TMEM132D: variants seen among roughly 807,000 people sequenced by gnomAD.
TMEM132D encodes the protein mature OL transmembrane protein.
Under a neutral mutation model 62.3 loss-of-function variants are expected in TMEM132D, and 21 were observed. The ratio of observed to expected loss-of-function variants is 0.34; its 90% CI spans 0.24 to 0.49. The LOEUF (loss-of-function observed/expected upper bound fraction) is 0.49, where lower values mean the gene tolerates loss of function less well. TMEM132D is among the 20% of genes least tolerant of loss of function. TMEM132D has a pLI of 0.99. For missense variants in TMEM132D, 1,346 were observed against 1,402.8 expected (o/e 0.96, Z 0.65); for synonymous variants, 621 against 575.6 (o/e 1.08, Z -1.13).
intron 4 of TMEM132D, among the ~76,000 whole-genome samples, chr12:129,251,561 G>T (rs77561884): frequency 6.6e-6 from 1 of 152,132 alleles, no homozygotes; most frequent in African/African-American, 2.4e-5. Context: ...TTTAAAGCTC[G>T]TTCAAATTTG....
rs183406470 is a variant in TMEM132D, at chr12:129,231,410, G to A, written c.1300-21747C>T. On this transcript the variant is annotated intron_variant, in intron 4 of 8. Coordinates refer to ENST00000422113, the MANE Select transcript of TMEM132D (RefSeq NM_133448.3). Reference sequence around the variant, plus strand: ...TATCTCCAGGGCTTTACATTTCCTGGCTGGAATTGGCAAATCTTGTCCCAT... The same window carrying A: ...TATCTCCAGGGCTTTACATTTCCTGACTGGAATTGGCAAATCTTGTCCCAT... Among the ~76,000 whole-genome samples the A allele has an allele frequency of 8.3e-4, 126 of 152,264 alleles. No homozygotes were observed. In the Middle Eastern group the frequency reaches 0.014, roughly 16 times the overall value.
At chr12:129,475,105 G>T (rs1874218964) in intron 3 of TMEM132D, among the ~76,000 whole-genome samples, 1 of 152,134 alleles carries the variant, frequency 6.6e-6, no homozygotes. Flanking sequence ...ACTATAAACT[G>T]GGCAATTGCT....
chr12:129,171,846 C>T (rs1443080363), intron 5 of TMEM132D, among the ~76,000 whole-genome samples: 1 of 152,180 alleles, frequency 6.6e-6, no homozygotes, highest in African/African-American at 2.4e-5. Flanking sequence ...TTACAGAGCA[C>T]AGGCAGAGTA....
chr12:129,119,105 G>C (rs949929610), intron 5 of TMEM132D, among the ~76,000 whole-genome samples: 3 of 152,226 alleles, frequency 2.0e-5, no homozygotes, highest in African/African-American at 7.2e-5. Flanking sequence ...CCATGACTAA[G>C]AGAATGCTGC....
chr12:129,289,976 C>T (rs981887758), intron 4 of TMEM132D, among the ~76,000 whole-genome samples: 33 of 152,164 alleles, frequency 2.2e-4, no homozygotes, highest in Non-Finnish European at 3.5e-4. Flanking sequence ...ATCACGCATG[C>T]CAGAAAAGGG....
intron 5 of TMEM132D, among the ~76,000 whole-genome samples, chr12:129,145,636 TC>T (rs1046726029): frequency 1.3e-5 from 2 of 152,116 alleles, no homozygotes; most frequent in African/African-American, 4.8e-5. Context: ...CATCTGGATG[TC>T]CCCAAGGCAC....
At chr12:129,603,917 C>A (rs180801744) in intron 2 of TMEM132D, among the ~76,000 whole-genome samples, 210 of 152,286 alleles carry the variant, frequency 1.4e-3, no homozygotes, top group African/African-American at 4.7e-3. Context: ...TTGGAACCAA[C>A]CCAAATGCCC....
At chr12:129,778,638 G>A (rs964580779) in intron 1 of TMEM132D, among the ~76,000 whole-genome samples, 8 of 152,170 alleles carry the variant, frequency 5.3e-5, no homozygotes, top group Admixed American at 1.3e-4. Context: ...ATACTTTGAC[G>A]CTAAAAACAT....
At chr12:129,238,643 A>G (rs1410353962) in intron 4 of TMEM132D, among the ~76,000 whole-genome samples, 1 of 152,204 alleles carries the variant, frequency 6.6e-6, no homozygotes, top group Admixed American at 6.5e-5. Flanking sequence ...CTTATATTGT[A>G]GCATATGTCC....
At chr12:129,160,440 T>A (rs1326617936) in intron 5 of TMEM132D, among the ~76,000 whole-genome samples, 1 of 152,220 alleles carries the variant, frequency 6.6e-6, no homozygotes, top group African/African-American at 2.4e-5. Context: ...TTTGCATTAG[T>A]AGGTGAAACA....
At chr12:129,378,940 G>A (rs544213210) in intron 3 of TMEM132D, among the ~76,000 whole-genome samples, 15 of 152,234 alleles carry the variant, frequency 9.9e-5, no homozygotes, top group Non-Finnish European at 1.5e-4. Context: ...ATGTGCCTGC[G>A]GATTTTGTCA....
At chr12:129,205,822 C>T (rs1189615552) in intron 5 of TMEM132D, among the ~76,000 whole-genome samples, 1 of 152,156 alleles carries the variant, frequency 6.6e-6, no homozygotes, top group Non-Finnish European at 1.5e-5. Context: ...CAACCATACT[C>T]TCAGACCACA....
chr12:129,598,983 G>A (rs574490786), intron 2 of TMEM132D, among the ~76,000 whole-genome samples: 1 of 152,274 alleles, frequency 6.6e-6, no homozygotes, highest in South Asian at 2.1e-4. Flanking sequence ...ACCAATCACA[G>A]AAAATGCTTA....
chr12:129,386,425 T>G (rs901542314), intron 3 of TMEM132D, among the ~76,000 whole-genome samples: 1 of 152,082 alleles, frequency 6.6e-6, no homozygotes, highest in Non-Finnish European at 1.5e-5. Context: ...AAATACTATA[T>G]GCCAACACCA....
intron 3 of TMEM132D, among the ~76,000 whole-genome samples, chr12:129,357,679 AAGAG>A (rs140748378): frequency 0.14 from 21,872 of 151,548 alleles, 1,758 homozygotes; most frequent in Non-Finnish European, 0.18. Context: ...GAGAGAAAGA[AAGAG>A]AGAGAGAGAG....
chr12:129,147,257 T>TAC (rs1565978371), intron 5 of TMEM132D, among the ~76,000 whole-genome samples: 8 of 150,868 alleles, frequency 5.3e-5, no homozygotes, highest in Non-Finnish European at 7.4e-5. Flanking sequence ...TATGTATATA[T>TAC]ACATATGTGC....
chr12:129,629,826 C>G (rs1879309505), intron 2 of TMEM132D, among the ~76,000 whole-genome samples: 1 of 152,164 alleles, frequency 6.6e-6, no homozygotes, highest in Non-Finnish European at 1.5e-5. Context: ...CATGACCTAG[C>G]TTGGCTTGTG....
intron 1 of TMEM132D, among the ~76,000 whole-genome samples, chr12:129,860,930 C>T (rs1227820669): frequency 2.6e-5 from 4 of 152,164 alleles, no homozygotes; most frequent in Non-Finnish European, 5.9e-5. Context: ...CAATTATAGA[C>T]ACCTAGTCCC....
chr12:129,142,191 A>G (rs376335293), intron 5 of TMEM132D, among the ~76,000 whole-genome samples: 1 of 152,098 alleles, frequency 6.6e-6, no homozygotes, highest in African/African-American at 2.4e-5. Flanking sequence ...ATCCCGTCCA[A>G]CTGGTCACAG....
Sources: allele counts gnomAD v4.1 joint callset (sites outside exome capture counted in the v4.1 genomes callset), GRCh38; gene constraint gnomAD v4.1.1; transcripts MANE v1.5; gene names NCBI Gene and HGNC (gene_info 2026-07-23, HGNC 2026-07-21).